The following DPYSL2 variants were observed in gnomAD, a reference collection of about 807,000 sequenced individuals.
DPYSL2 encodes dihydropyrimidinase like 2.
Under a neutral mutation model 69.9 loss-of-function variants are expected in DPYSL2, and 13 were observed. The ratio of observed to expected loss-of-function variants is 0.19; its 90% CI spans 0.12 to 0.30. The LOEUF is 0.30. Among genes scored for constraint, DPYSL2 ranks in the 10% least tolerant of loss-of-function variants. The pLI, the probability that DPYSL2 is intolerant of heterozygous loss-of-function variation, is 1.00. For synonymous variants in DPYSL2, 326 were observed against 359.1 expected (o/e 0.91, Z 1.04); for missense variants, 587 against 918.9 (o/e 0.64, Z 4.67).
chr8:26,592,956 T>C (rs1406563457), intron 3 of DPYSL2, among the ~76,000 whole-genome samples: 1 of 152,160 alleles, frequency 6.6e-6, no homozygotes, highest in African/African-American at 2.4e-5. Context: ...CTGATTTCTT[T>C]AGGTTTTGAG....
chr8:26,626,610 G>T lies in DPYSL2; in HGVS notation c.794-7G>T. The T allele has an allele frequency of 6.2e-7, 1 of 1,613,652 alleles. No homozygotes were observed. On this transcript the variant is annotated splice_region_variant and splice_polypyrimidine_tract_variant and intron_variant, in intron 4 of 13. Coordinates refer to ENST00000521913, the MANE Select transcript of DPYSL2 (RefSeq NM_001197293.3). The surrounding 1 kb of genome is among the most constrained non-coding windows in gnomAD (Gnocchi z 4.3). ...AAAAGTCCACTTCTCTATTTTGTCC[G>T]CACTAGGGGTAAATTCCTTCCTCGT...
intron 3 of DPYSL2, among the ~76,000 whole-genome samples, chr8:26,618,831 G>T (rs571333451): frequency 6.6e-6 from 1 of 150,772 alleles, no homozygotes; most frequent in African/African-American, 2.4e-5. Flanking sequence ...GATGGCGCGC[G>T]CCTGTGATCC....
intron 1 of DPYSL2, among the ~76,000 whole-genome samples, chr8:26,527,067 A>G (rs1289459353): frequency 6.6e-6 from 1 of 152,238 alleles, no homozygotes; most frequent in East Asian, 1.9e-4. Context: ...GGCTTGAGCC[A>G]ATATTCAGAT....
intron 10 of DPYSL2, among the ~76,000 whole-genome samples, chr8:26,645,361 A>T (rs1045947416): frequency 4.6e-5 from 7 of 152,144 alleles, no homozygotes; most frequent in African/African-American, 1.7e-4. Context: ...TGACTGGGCC[A>T]CTGAACTCCA....
Position 26,571,691 on chromosome 8 carries a change from A to T in DPYSL2, c.355-10278A>T, listed in dbSNP as rs1801239606. ...CCTGCAGGGAGGATGTGTCCTCAGA[A>T]TCCTAGCAGAGCCCCCATGCTGGCC... On this transcript the variant is annotated intron_variant, in intron 1 of 13. Coordinates refer to ENST00000521913, the MANE Select transcript of DPYSL2 (RefSeq NM_001197293.3). The surrounding 1 kb of genome is among the most constrained non-coding windows in gnomAD (Gnocchi z 6.1). Among the ~76,000 whole-genome samples the T allele has an allele frequency of 6.6e-6, 1 of 152,146 alleles. No homozygotes were observed. The highest frequency in any genetic ancestry group is 1.5e-5 in the Non-Finnish European group (1 of 68,010).
At chr8:26,515,267 G>T (rs182725883) in intron 1 of DPYSL2, among the ~76,000 whole-genome samples, 1 of 152,308 alleles carries the variant, frequency 6.6e-6, no homozygotes, top group East Asian at 1.9e-4. Context: ...TGCTCGCAGC[G>T]TGAGAAGAGC....
intron 7 of DPYSL2, among the ~76,000 whole-genome samples, chr8:26,628,987 G>A (rs186494762): frequency 1.3e-5 from 2 of 152,290 alleles, no homozygotes; most frequent in East Asian, 3.9e-4. Context: ...CACCATCTGT[G>A]TACTGCCTCG....
rs139712729 is a variant in DPYSL2 at position 26,543,084 on chromosome 8, G to T, written c.354+28405G>T. Among the ~76,000 whole-genome samples, 6 of 152,216 alleles carry T rather than the reference G, an allele frequency of 3.9e-5. No homozygotes were observed. In the East Asian group the frequency reaches 9.6e-4, roughly 24 times the overall value. ...AATGGCAACGCTCCTCTAGATAAAG[G>T]TATTGGCAGAATTCCAATTAAAATA... On this transcript the variant is annotated intron_variant, in intron 1 of 13. Coordinates refer to ENST00000521913, the MANE Select transcript of DPYSL2 (RefSeq NM_001197293.3).
At chr8:26,543,753 C>G (rs1315671975) in intron 1 of DPYSL2, among the ~76,000 whole-genome samples, 1 of 152,236 alleles carries the variant, frequency 6.6e-6, no homozygotes, top group Admixed American at 6.5e-5. Context: ...TCCCAAAGTG[C>G]TGGGATTACA....
chr8:26,554,958 G>C (rs748243423), intron 1 of DPYSL2, among the ~76,000 whole-genome samples: 2 of 152,102 alleles, frequency 1.3e-5, no homozygotes, highest in Non-Finnish European at 2.9e-5. Flanking sequence ...TACAAGAGTG[G>C]TTCAACATTC....
intron 3 of DPYSL2, among the ~76,000 whole-genome samples, chr8:26,612,147 G>T (rs1012520246): frequency 6.6e-6 from 1 of 152,208 alleles, no homozygotes; most frequent in Admixed American, 6.5e-5. Context: ...AGACAGCCTG[G>T]TAGAGTGAAA....
At chr8:26,544,072 T>G (rs2117627202) in intron 1 of DPYSL2, among the ~76,000 whole-genome samples, 1 of 70,948 alleles carries the variant, frequency 1.4e-5, no homozygotes, top group South Asian at 5.9e-4. Context: ...AGAACAGTCT[T>G]TTCTATGAAT....
chr8:26,579,957 C>CCT (rs1801451432), intron 1 of DPYSL2, among the ~76,000 whole-genome samples: 1 of 38,688 alleles, frequency 2.6e-5, no homozygotes, highest in Admixed American at 3.1e-4. Flanking sequence ...AAAGAGCGCC[C>CCT]CCCCCCCCAC....
rs1802088464 is a variant in DPYSL2 at position 26,605,527 on chromosome 8, G to A, written c.629-18616G>A. On this transcript the variant is annotated intron_variant, in intron 3 of 13. Coordinates refer to ENST00000521913, the MANE Select transcript of DPYSL2 (RefSeq NM_001197293.3). The surrounding 1 kb of genome is among the most constrained non-coding windows in gnomAD (Gnocchi z 4.1). ...GCTGGTCTTGAAATCCTGACCTCAA[G>A]TGCCTGCCTCAGCCTCCCTAAGTGA... is the stretch of plus-strand genomic sequence containing the variant. 6.6e-6 allele frequency among the ~76,000 whole-genome samples: 1 copy of A among 152,068 alleles called. No homozygotes were observed. The highest frequency in any genetic ancestry group is 6.6e-5 in the Admixed American group (1 of 15,266).
chr8:26,566,449 C>T (rs778108294), intron 1 of DPYSL2, among the ~76,000 whole-genome samples: 2 of 152,194 alleles, frequency 1.3e-5, no homozygotes, highest in Non-Finnish European at 2.9e-5. Context: ...CTAATACTAA[C>T]TCTTGGACTA....
At position 26,588,799 on chromosome 8, in the gene DPYSL2, C is replaced by T. The variant is rs1218781732; in HGVS notation, c.628+4816C>T. Reference sequence around the variant, plus strand: ...CTGCTCCTTGCTGCTTTTCCGGTGCCCAGTCCTGGAGAGGGCTCGCTGGAG... The same window carrying T: ...CTGCTCCTTGCTGCTTTTCCGGTGCTCAGTCCTGGAGAGGGCTCGCTGGAG... On this transcript the variant is annotated intron_variant, in intron 3 of 13. Transcript: ENST00000521913. The surrounding 1 kb of genome is among the most constrained non-coding windows in gnomAD (Gnocchi z 5.4). 6.6e-6 allele frequency among the ~76,000 whole-genome samples: 1 copy of T among 152,196 alleles called. No homozygotes were observed. Among genetic ancestry groups the T allele is most frequent in the Non-Finnish European group, 1.5e-5 (1 of 68,026 alleles).
rs370655037 is a variant in DPYSL2 at position 26,556,263 on chromosome 8, ATAG to A, written c.355-25703_355-25701del. ...ATAATATATATAGTATATATATACT[ATAG>A]TATATATAGTATTTATATAATATAT... On this transcript the variant is annotated intron_variant, in intron 1 of 13. Transcript: ENST00000521913. Among the ~76,000 whole-genome samples the A allele has an allele frequency of 6.6e-3, 34 of 5,166 alleles. 6 individuals are homozygous for A. Among genetic ancestry groups the A allele is most frequent in the Non-Finnish European group, 9.5e-3 (15 of 1,572 alleles). The allele number at this position is 5,166 out of a possible 152,430, so 3.4% of individuals were successfully genotyped here.
chr8:26,618,778 C>CAAA (rs71216765), intron 3 of DPYSL2, among the ~76,000 whole-genome samples: 9 of 85,134 alleles, frequency 1.1e-4, no homozygotes, highest in African/African-American at 2.4e-4. Flanking sequence ...CCATCTCTAC[C>CAAA]AAAAAAAAAA....
rs112620337 is a variant in DPYSL2, at chr8:26,535,898, T to TTGTGTGTGTGTG, written c.354+21247_354+21258dup. Among the ~76,000 whole-genome samples, 220 of 141,256 alleles carry TTGTGTGTGTGTG rather than the reference T, an allele frequency of 1.6e-3. 2 individuals are homozygous for TTGTGTGTGTGTG. The highest frequency in any genetic ancestry group is 5.6e-3 in the African/African-American group (209 of 37,242). 92.7% of individuals were successfully genotyped at this position (141,256 alleles called of 152,430 possible). A position where few individuals can be genotyped will look rare whatever the true frequency, so the allele number is the denominator to read the frequency against. On this transcript the variant is annotated intron_variant, in intron 1 of 13. Transcript: ENST00000521913. ...ATCAAAATTATAAGCTCTCTATGGG[T>TTGTGTGTGTGTG]TGTGTGTGTGTGTGTGTGTGTGTGT...
Sources: allele counts gnomAD v4.1 joint callset (sites outside exome capture counted in the v4.1 genomes callset), GRCh38; gene constraint gnomAD v4.1.1; non-coding constraint Gnocchi (gnomAD v3.1); transcripts MANE v1.5; gene names NCBI Gene and HGNC (gene_info 2026-07-23, HGNC 2026-07-21).